The following DLG2 variants were observed in gnomAD, a reference collection of about 807,000 sequenced individuals.
The protein encoded by DLG2 is discs large MAGUK scaffold protein 2.
Under a neutral mutation model 132.5 loss-of-function variants are expected in DLG2, and 45 were observed. The ratio of observed to expected loss-of-function variants is 0.34; its 90% CI spans 0.27 to 0.44. DLG2 has a LOEUF of 0.44. Ranked by LOEUF, DLG2 falls within the 20% of genes least tolerant of loss-of-function variation. DLG2 has a pLI of 1.00. For synonymous variants in DLG2, 424 were observed against 419.6 expected (o/e 1.01, Z -0.13); for missense variants, 1,045 against 1,196.9 (o/e 0.87, Z 1.87).
At chr11:84,010,550 C>T (rs574607066) in intron 11 of DLG2, among the ~76,000 whole-genome samples, 1 of 152,104 alleles carries the variant, frequency 6.6e-6, no homozygotes, top group South Asian at 2.1e-4. Flanking sequence ...AATCCTCCTG[C>T]CTCCGTCTCC....
chr11:83,931,907 C>G (rs1409872185), intron 14 of DLG2, among the ~76,000 whole-genome samples: 4 of 152,164 alleles, frequency 2.6e-5, no homozygotes, highest in African/African-American at 9.7e-5. Context: ...AAAGTCTTAT[C>G]AACACAGAGA....
chr11:85,264,230 A>C (rs1301970091), intron 4 of DLG2, among the ~76,000 whole-genome samples: 1 of 152,156 alleles, frequency 6.6e-6, no homozygotes, highest in Admixed American at 6.6e-5. Flanking sequence ...TAGAGTAAGA[A>C]AAGCCTATAT....
chr11:83,962,462 A>G (rs1019018574), intron 14 of DLG2, among the ~76,000 whole-genome samples: 2 of 151,988 alleles, frequency 1.3e-5, no homozygotes, highest in Non-Finnish European at 2.9e-5. Context: ...TTAAAGACAA[A>G]AAGTTTTTAC....
At chr11:85,566,441 T>C (rs189217571) in intron 3 of DLG2, among the ~76,000 whole-genome samples, 12 of 152,260 alleles carry the variant, frequency 7.9e-5, no homozygotes, top group African/African-American at 2.4e-4. Flanking sequence ...TGGGCTGCTA[T>C]AGCAGAATAC....
chr11:84,637,403 C>T (rs917798686), intron 6 of DLG2, among the ~76,000 whole-genome samples: 1 of 152,166 alleles, frequency 6.6e-6, no homozygotes, highest in Non-Finnish European at 1.5e-5. Context: ...CAGTGAACAA[C>T]TTGAAAGCAG....
chr11:84,635,887 T>C (rs1003431031), intron 6 of DLG2, among the ~76,000 whole-genome samples: 1 of 152,218 alleles, frequency 6.6e-6, no homozygotes, highest in South Asian at 2.1e-4. Context: ...TTCTTCTTCA[T>C]ACATTCTTCA....
intron 3 of DLG2, among the ~76,000 whole-genome samples, chr11:85,474,283 A>G (rs994313070): frequency 6.6e-6 from 1 of 152,048 alleles, no homozygotes; most frequent in African/African-American, 2.4e-5. Flanking sequence ...ACTTCACAAC[A>G]TAGCCTCTCA....
At position 85,004,285 on chromosome 11, in the gene DLG2, G is replaced by C. The variant is rs115743935; in HGVS notation, c.357+107376C>G. Among the ~76,000 whole-genome samples the C allele has an allele frequency of 8.9e-3, 1,349 of 152,284 alleles. 15 individuals are homozygous for C. Among genetic ancestry groups the C allele is most frequent in the African/African-American group, 0.031 (1,278 of 41,560 alleles). ...GTATTTCTGGTTCTCCATCTTTGAA[G>C]AATCGCCAAACTGCCTTCCACAACG... is the stretch of plus-strand genomic sequence containing the variant. On this transcript the variant is annotated intron_variant, in intron 6 of 27. Coordinates refer to ENST00000376104, the MANE Select transcript of DLG2 (RefSeq NM_001142699.3).
At chr11:84,642,065 C>CCT (rs34760163) in intron 6 of DLG2, among the ~76,000 whole-genome samples, 1 of 138,106 alleles carries the variant, frequency 7.2e-6, no homozygotes, top group Non-Finnish European at 1.6e-5. Flanking sequence ...TATACGCACG[C>CCT]GTGTGTGTGT....
chr11:85,196,915 C>T (rs927763263), intron 4 of DLG2, among the ~76,000 whole-genome samples: 7 of 152,174 alleles, frequency 4.6e-5, no homozygotes, highest in African/African-American at 1.7e-4. Flanking sequence ...TGTAAACACC[C>T]TTTTGTGAGA....
chr11:85,612,530 G>A (rs900485581), intron 2 of DLG2, among the ~76,000 whole-genome samples: 13 of 152,210 alleles, frequency 8.5e-5, no homozygotes, highest in African/African-American at 3.1e-4. Flanking sequence ...AATCAGGAAG[G>A]AGCCATCTAT....
chr11:84,516,490 T>C (rs538550776), intron 7 of DLG2, among the ~76,000 whole-genome samples: 13 of 151,612 alleles, frequency 8.6e-5, no homozygotes, highest in African/African-American at 3.1e-4. Flanking sequence ...AATTCTTACC[T>C]ACATACAACC....
At chr11:83,808,778 C>T (rs114082215) in intron 17 of DLG2, among the ~76,000 whole-genome samples, 3,056 of 152,260 alleles carry the variant, frequency 0.02, 67 homozygotes, top group African/African-American at 0.046. Flanking sequence ...GTACACCATA[C>T]ACTGCACACT....
intron 19 of DLG2, among the ~76,000 whole-genome samples, chr11:83,577,523 A>G (rs1223019750): frequency 5.6e-5 from 7 of 125,872 alleles, no homozygotes; most frequent in Admixed American, 1.8e-4. Flanking sequence ...ATATATATGT[A>G]TTAGTCAGGG....
chr11:83,782,910 C>T (rs2094894395), intron 18 of DLG2, among the ~76,000 whole-genome samples: 1 of 152,032 alleles, frequency 6.6e-6, no homozygotes, highest in Non-Finnish European at 1.5e-5. Context: ...CATTATATTT[C>T]CTTCTGTGAA....
At chr11:84,644,672 C>T (rs1479007816) in intron 6 of DLG2, among the ~76,000 whole-genome samples, 1 of 148,798 alleles carries the variant, frequency 6.7e-6, no homozygotes, top group Non-Finnish European at 1.5e-5. Context: ...TGCCACTGCA[C>T]TCCAGCCTGG....
At chr11:83,665,239 T>C (rs894893264) in intron 18 of DLG2, among the ~76,000 whole-genome samples, 1 of 152,186 alleles carries the variant, frequency 6.6e-6, no homozygotes, top group Non-Finnish European at 1.5e-5. Context: ...GAATCTTGCA[T>C]AGAAGAGGCT....
At chr11:84,393,863 C>T (rs2098801599) in intron 7 of DLG2, among the ~76,000 whole-genome samples, 2 of 152,156 alleles carry the variant, frequency 1.3e-5, no homozygotes, top group South Asian at 2.1e-4. Flanking sequence ...ACATTATTGT[C>T]ATCATATTTT....
chr11:85,540,515 A>G (rs546115013), intron 3 of DLG2, among the ~76,000 whole-genome samples: 1 of 152,052 alleles, frequency 6.6e-6, no homozygotes, highest in Admixed American at 6.6e-5. Flanking sequence ...CTCCCCATTC[A>G]CCTCACTGAG....
Sources: allele counts gnomAD v4.1 joint callset (sites outside exome capture counted in the v4.1 genomes callset), GRCh38; gene constraint gnomAD v4.1.1; transcripts MANE v1.5; gene names NCBI Gene and HGNC (gene_info 2026-07-23, HGNC 2026-07-21).